Variants in CACNA1D observed in about 807,000 individuals in gnomAD.
CACNA1D encodes calcium voltage-gated channel subunit alpha1 D.
CACNA1D carries 55 observed loss-of-function variants against 257.1 expected under a neutral mutation model. The observed-to-expected ratio is 0.21, with a 90% CI of 0.17 to 0.27. CACNA1D has a LOEUF of 0.27. Ranked by LOEUF, CACNA1D falls within the 10% of genes least tolerant of loss-of-function variation. CACNA1D has a pLI of 1.00. For missense variants in CACNA1D, 1,876 were observed against 2,784.0 expected, an observed-to-expected ratio of 0.67 and a Z score of 7.34; for synonymous variants, 980 against 1,014.9, an observed-to-expected ratio of 0.97 and a Z score of 0.65.
chr3:53,607,416 C>T (rs1344490957), intron 3 of CACNA1D, among the ~76,000 whole-genome samples: 1 of 152,154 alleles, frequency 6.6e-6, no homozygotes, highest in Non-Finnish European at 1.5e-5. Context: ...AAAGGGAGGG[C>T]ATAAGCCAAT....
At chr3:53,542,890 TA>T (rs1467056755) in intron 3 of CACNA1D, among the ~76,000 whole-genome samples, 1 of 151,688 alleles carries the variant, frequency 6.6e-6, no homozygotes, top group Non-Finnish European at 1.5e-5. Flanking sequence ...ACCCTGTCTC[TA>T]AAAATACAAA....
intron 9 of CACNA1D, among the ~76,000 whole-genome samples, chr3:53,718,064 A>G (rs942659750): frequency 1.3e-5 from 2 of 152,196 alleles, no homozygotes; most frequent in African/African-American, 4.8e-5. Flanking sequence ...CTAGGGGGAT[A>G]GAATGTCCTC....
intron 35 of CACNA1D, 30 bp from the exon 36 acceptor site, chr3:53,776,573 A>G (rs1413862744): frequency 6.2e-7 from 1 of 1,614,026 alleles, no homozygotes; most frequent in Non-Finnish European, 8.5e-7. Context: ...GCTGCAGCTG[A>G]AGTTCTTCCT....
At chr3:53,718,516 C>T in intron 10 of CACNA1D, 128 bp downstream of exon 10, 1 of 1,058,780 alleles carries the variant, frequency 9.4e-7, no homozygotes, top group Non-Finnish European at 1.4e-6. Context: ...GGGAAGGCTC[C>T]TCGTACCCCA....
chr3:53,657,802 A>G (rs2094163312), intron 4 of CACNA1D, among the ~76,000 whole-genome samples: 2 of 152,210 alleles, frequency 1.3e-5, no homozygotes, highest in Non-Finnish European at 2.9e-5. Flanking sequence ...ACAGTGACCT[A>G]TTGCTTTTGT....
At chr3:53,525,017 A>T (rs967002025) in intron 3 of CACNA1D, among the ~76,000 whole-genome samples, 1 of 152,172 alleles carries the variant, frequency 6.6e-6, no homozygotes, top group African/African-American at 2.4e-5. Context: ...CTACCCACAC[A>T]GCAGCCTCCT....
chr3:53,600,629 T>C (rs1157789005), intron 3 of CACNA1D, among the ~76,000 whole-genome samples: 1 of 152,202 alleles, frequency 6.6e-6, no homozygotes, highest in Non-Finnish European at 1.5e-5. Flanking sequence ...TTAATCTGCT[T>C]ATTATAATGT....
chr3:53,756,072 C>T (rs562493475), intron 29 of CACNA1D, among the ~76,000 whole-genome samples: 30 of 152,192 alleles, frequency 2.0e-4, no homozygotes, highest in Non-Finnish European at 4.4e-4. Context: ...GGTACACCTT[C>T]TAGCAGGACT....
intron 8 of CACNA1D, among the ~76,000 whole-genome samples, chr3:53,680,617 T>G (rs1257474688): frequency 2.0e-5 from 3 of 152,208 alleles, no homozygotes; most frequent in Admixed American, 6.5e-5. Context: ...AGTGCTTTCA[T>G]GCACAGACCC....
At chr3:53,496,727 T>TC (rs1167463266) in intron 1 of CACNA1D, among the ~76,000 whole-genome samples, 1 of 152,204 alleles carries the variant, frequency 6.6e-6, no homozygotes, top group East Asian at 1.9e-4. Flanking sequence ...CCTTTTTTTT[T>TC]CCCCTTGGTG....
At chr3:53,809,903 T>C (rs1470517653) in intron 46 of CACNA1D, 75 bp from the exon 47 acceptor site, 4 of 1,394,538 alleles carry the variant, frequency 2.9e-6, no homozygotes, top group Admixed American at 3.3e-5. Flanking sequence ...CGCCGGTGCT[T>C]GGTCTGTGCG....
At chr3:53,502,814 G>C (rs1039403815) in intron 3 of CACNA1D, among the ~76,000 whole-genome samples, 4 of 152,146 alleles carry the variant, frequency 2.6e-5, no homozygotes, top group Admixed American at 6.5e-5. Flanking sequence ...TTGGTTCTTT[G>C]CAATCAGAAG....
Position 53,723,711 on chromosome 3 carries a change from C to G in CACNA1D, c.1892+52C>G. 1 of 1,587,738 alleles carries G rather than the reference C, an allele frequency of 6.3e-7. No homozygotes were observed. The highest frequency in any genetic ancestry group is 8.7e-7 in the Non-Finnish European group (1 of 1,155,926). ...ATGTTTTATGAACATGAGGCGGCAA[C>G]CAGTCACATCCCCGGGCAGGTGATG... On this transcript the variant is annotated intron_variant, in intron 13 of 47. Coordinates refer to ENST00000350061, the MANE Select transcript of CACNA1D (RefSeq NM_001128840.3). This position sits in a 1 kb window ranked among gnomAD's most constrained non-coding sequence, Gnocchi z 5.6.
At chr3:53,785,922 C>T (rs945528428) in intron 39 of CACNA1D, 2 of 152,392 alleles carry the variant, frequency 1.3e-5, no homozygotes, top group African/African-American at 4.8e-5. Context: ...CAGGGCCCCA[C>T]ATGGCCCCAC....
Position 53,727,374 on chromosome 3 carries a change from C to T in CACNA1D, c.2221+375C>T, listed in dbSNP as rs1345685855. 2.0e-5 allele frequency among the ~76,000 whole-genome samples: 3 copies of T among 152,322 alleles called. No homozygotes were observed. In the East Asian group the frequency reaches 5.8e-4, roughly 29 times the overall value. On this transcript the variant is annotated intron_variant, in intron 15 of 47. Transcript: ENST00000350061. Reference sequence around the variant, plus strand: ...TTATCATTATTGGGAGCTTAGGCGTCCATCTGTGACTTCCTAAGACCCTTC... The same window carrying T: ...TTATCATTATTGGGAGCTTAGGCGTTCATCTGTGACTTCCTAAGACCCTTC...
At chr3:53,669,629 G>C (rs980359925) in intron 7 of CACNA1D, among the ~76,000 whole-genome samples, 3 of 152,218 alleles carry the variant, frequency 2.0e-5, no homozygotes, top group Non-Finnish European at 2.9e-5. Flanking sequence ...GTCTGGCAGG[G>C]TCTTGAGAAG....
intron 3 of CACNA1D, among the ~76,000 whole-genome samples, chr3:53,505,688 C>G (rs2090814523): frequency 6.6e-6 from 1 of 152,164 alleles, no homozygotes; most frequent in South Asian, 2.1e-4. Context: ...CGTGTTATTC[C>G]TGAAAAGCTT....
Position 53,789,867 on chromosome 3 carries a change from G to C in CACNA1D, c.4923+2915G>C, listed in dbSNP as rs1257931201. The stretch of plus-strand genomic sequence containing the variant: ...GTTTTGAACCCTGTGGGCTCCATCT[G>C]ATCTCCCTGTGTTCAGACCAACTGC... On this transcript the variant is annotated intron_variant, in intron 40 of 47. Transcript: ENST00000350061. The surrounding 1 kb of genome is among the most constrained non-coding windows in gnomAD (Gnocchi z 4.2). 2.6e-5 allele frequency among the ~76,000 whole-genome samples: 4 copies of C among 152,198 alleles called. No homozygotes were observed. Among genetic ancestry groups the C allele is most frequent in the Admixed American group, 6.5e-5 (1 of 15,282 alleles).
chr3:53,687,826 C>T (rs2094486377), intron 8 of CACNA1D, among the ~76,000 whole-genome samples: 1 of 151,854 alleles, frequency 6.6e-6, no homozygotes, highest in Admixed American at 6.6e-5. Flanking sequence ...TATGAGTAGC[C>T]AGTAAGTACA....
Sources: gnomAD v4.1 joint callset for allele counts (sites outside exome capture counted in the v4.1 genomes callset) on GRCh38, gnomAD v4.1.1 for gene constraint, Gnocchi (gnomAD v3.1) non-coding constraint, MANE v1.5 for transcripts, NCBI Gene and HGNC (gene_info 2026-07-23, HGNC 2026-07-21) for gene names.